The following TSPAN5 variants were observed in gnomAD, a reference collection of about 807,000 sequenced individuals.
TSPAN5 encodes the protein tetraspanin-5.
Under a neutral mutation model 37.1 loss-of-function variants are expected in TSPAN5, and 10 were observed. The observed-to-expected ratio is 0.27, with a 90% CI of 0.17 to 0.46. TSPAN5 has a LOEUF of 0.46. Among genes scored for constraint, TSPAN5 ranks in the 20% least tolerant of loss-of-function variants. The pLI is 1.00. For missense variants in TSPAN5, 195 were observed against 326.6 expected, an observed-to-expected ratio of 0.60 and a Z score of 3.11; for synonymous variants, 110 against 118.9, an observed-to-expected ratio of 0.93 and a Z score of 0.48.
At chr4:98,533,543 C>CTTTTTTTCTTTTTTT (rs1754150083) in intron 1 of TSPAN5, among the ~76,000 whole-genome samples, 1 of 58,582 alleles carries the variant, frequency 1.7e-5, no homozygotes, top group African/African-American at 9.1e-5. Flanking sequence ...TCCCCTATAT[C>CTTTTTTTCTTTTTTT]TTTTTTTTTT....
chr4:98,540,733 G>C (rs970287998), intron 1 of TSPAN5, among the ~76,000 whole-genome samples: 5 of 152,154 alleles, frequency 3.3e-5, no homozygotes, highest in African/African-American at 1.2e-4. Context: ...GGATAATGGG[G>C]AGTTGAACAA....
rs117412415 is a variant in TSPAN5 at position 98,538,941 on chromosome 4, G to A, written c.82-31213C>T. 2.4e-3 allele frequency among the ~76,000 whole-genome samples: 366 copies of A among 152,098 alleles called. 10 individuals carry two copies. In the East Asian group the frequency reaches 0.058, roughly 24 times the overall value. On this transcript the variant is annotated intron_variant, in intron 1 of 7. Coordinates refer to ENST00000305798, the MANE Select transcript of TSPAN5 (RefSeq NM_005723.4). Reference sequence around the variant, plus strand: ...TGTGCTTTTCAAAAAAAGCTCTGCCGTGTCTGATATGAAAACGTCCCCTAT... The same window carrying A: ...TGTGCTTTTCAAAAAAAGCTCTGCCATGTCTGATATGAAAACGTCCCCTAT...
intron 2 of TSPAN5, among the ~76,000 whole-genome samples, chr4:98,494,260 A>G (rs781274070): frequency 1.3e-5 from 2 of 152,000 alleles, no homozygotes; most frequent in Non-Finnish European, 2.9e-5. Flanking sequence ...ACCATCCTGA[A>G]CTGTACTTAA....
At chr4:98,543,876 A>G (rs114433876) in intron 1 of TSPAN5, among the ~76,000 whole-genome samples, 3,499 of 151,688 alleles carry the variant, frequency 0.023, 62 homozygotes, top group Middle Eastern at 0.065. Context: ...AGATCACAAT[A>G]TTGGGCTTAA....
At chr4:98,563,497 T>G (rs1754923330) in intron 1 of TSPAN5, among the ~76,000 whole-genome samples, 1 of 152,178 alleles carries the variant, frequency 6.6e-6, no homozygotes, top group Admixed American at 6.5e-5. Context: ...CTTTGGCTCA[T>G]ACATTTGAGG....
intron 1 of TSPAN5, among the ~76,000 whole-genome samples, chr4:98,531,338 T>G (rs1467670774): frequency 1.3e-5 from 2 of 152,154 alleles, no homozygotes; most frequent in African/African-American, 2.4e-5. Context: ...TCTGTTCTTG[T>G]GATAGTTTGC....
chr4:98,555,454 T>C, intron 1 of TSPAN5, among the ~76,000 whole-genome samples: 1 of 152,292 alleles, frequency 6.6e-6, no homozygotes, highest in East Asian at 1.9e-4. Context: ...TGCGAATTTA[T>C]TCCCCCCTCA....
At chr4:98,487,168 A>T (rs1317933776) in intron 2 of TSPAN5, among the ~76,000 whole-genome samples, 2 of 147,692 alleles carry the variant, frequency 1.4e-5, no homozygotes, top group Non-Finnish European at 3.0e-5. Context: ...GATGGAGGGA[A>T]GGAGGGAGGG....
intron 1 of TSPAN5, among the ~76,000 whole-genome samples, chr4:98,577,767 A>G (rs1347476155): frequency 6.6e-6 from 1 of 152,180 alleles, no homozygotes; most frequent in Non-Finnish European, 1.5e-5. Context: ...TGGCTGTGTC[A>G]ATTGGCTGTG....
chr4:98,549,455 G>A (rs760569223), intron 1 of TSPAN5, among the ~76,000 whole-genome samples: 15 of 151,762 alleles, frequency 9.9e-5, no homozygotes, highest in Admixed American at 2.0e-4. Flanking sequence ...GGTGCCCTAC[G>A]CCCAGCTAGT....
At chr4:98,511,602 G>A (rs1363539654) in intron 1 of TSPAN5, among the ~76,000 whole-genome samples, 1 of 152,172 alleles carries the variant, frequency 6.6e-6, no homozygotes, top group African/African-American at 2.4e-5. Context: ...CATGACTACT[G>A]TTTCAAACTG....
intron 4 of TSPAN5, among the ~76,000 whole-genome samples, chr4:98,480,212 TAC>T (rs765313728): frequency 1.1e-4 from 17 of 152,178 alleles, no homozygotes; most frequent in Non-Finnish European, 2.5e-4. Context: ...TTTTAAAGTA[TAC>T]AATTTGATAA....
intron 1 of TSPAN5, among the ~76,000 whole-genome samples, chr4:98,537,521 C>T (rs768062736): frequency 6.6e-6 from 1 of 152,174 alleles, no homozygotes; most frequent in Non-Finnish European, 1.5e-5. Context: ...GCCCTAGTAC[C>T]TTTAAATATG....
chr4:98,648,342 G>T (rs1206519099), intron 1 of TSPAN5, among the ~76,000 whole-genome samples: 1 of 152,170 alleles, frequency 6.6e-6, no homozygotes, highest in Non-Finnish European at 1.5e-5. Context: ...CAGTGGATGG[G>T]GAGGCTGATT....
At chr4:98,503,047 C>T (rs140852308) in intron 2 of TSPAN5, among the ~76,000 whole-genome samples, 9 of 151,668 alleles carry the variant, frequency 5.9e-5, no homozygotes, top group East Asian at 3.9e-4. Context: ...TCAAGCTGGG[C>T]GGAATGGGGA....
At chr4:98,559,604 C>T (rs1006430243) in intron 1 of TSPAN5, among the ~76,000 whole-genome samples, 1 of 152,156 alleles carries the variant, frequency 6.6e-6, no homozygotes, top group Non-Finnish European at 1.5e-5. Flanking sequence ...TTAATAACCA[C>T]TATTGGAAAT....
chr4:98,554,686 C>T (rs1754699127), intron 1 of TSPAN5, among the ~76,000 whole-genome samples: 1 of 152,104 alleles, frequency 6.6e-6, no homozygotes, highest in Non-Finnish European at 1.5e-5. Flanking sequence ...AGAAACAACC[C>T]CTAAAATATT....
At chr4:98,590,260 C>G (rs1249725402) in intron 1 of TSPAN5, among the ~76,000 whole-genome samples, 2 of 152,166 alleles carry the variant, frequency 1.3e-5, no homozygotes, top group African/African-American at 4.8e-5. Flanking sequence ...AGCCAGGAAG[C>G]TGCCCAATAA....
At chr4:98,643,405 A>C (rs988802294) in intron 1 of TSPAN5, among the ~76,000 whole-genome samples, 2 of 152,174 alleles carry the variant, frequency 1.3e-5, no homozygotes, top group African/African-American at 4.8e-5. Context: ...TAAGCGATAC[A>C]TGACTGTACT....
Sources: gnomAD v4.1 joint callset for allele counts (sites outside exome capture counted in the v4.1 genomes callset) on GRCh38, gnomAD v4.1.1 for gene constraint, MANE v1.5 for transcripts, NCBI Gene and HGNC (gene_info 2026-07-23, HGNC 2026-07-21) for gene names.